The following LMX1B variants were observed in gnomAD, a reference collection of about 807,000 sequenced individuals.
LMX1B encodes the protein LIM homeobox transcription factor 1 beta.
LMX1B carries 12 observed loss-of-function variants against 51.4 expected under a neutral mutation model. The ratio of observed to expected loss-of-function variants is 0.23; its 90% confidence interval spans 0.15 to 0.38. The LOEUF is 0.38. Among genes scored for constraint, LMX1B ranks in the 10% least tolerant of loss-of-function variants. The pLI, the probability that LMX1B is intolerant of heterozygous loss-of-function variation, is 1.00. For missense variants in LMX1B, 445 were observed against 571.1 expected, an observed-to-expected ratio of 0.78 and a Z score of 2.25; for synonymous variants, 237 against 235.4, an observed-to-expected ratio of 1.01 and a Z score of -0.06.
chr9:126,695,385 C>A lies in LMX1B; in HGVS notation c.887-454C>A, dbSNP rs919657196. 3.3e-5 allele frequency among the ~76,000 whole-genome samples: 5 copies of A among 152,342 alleles called. No homozygotes were observed. The East Asian group carries it at 7.7e-4, about 24-fold the overall frequency. ...CACTTACCCGGCGGTCTGTCTCCTC[C>A]ATGCCTTTGCCGCCCCTCAGCCTGG... is the stretch of plus-strand genomic sequence containing the variant. On this transcript the variant is annotated intron_variant, in intron 6 of 7. Transcript: ENST00000373474. This position sits in a 1 kb window ranked among gnomAD's most constrained non-coding sequence, Gnocchi z 5.2.
At chr9:126,690,600 C>T (rs912900527) in intron 2 of LMX1B, among the ~76,000 whole-genome samples, 4 of 152,320 alleles carry the variant, frequency 2.6e-5, no homozygotes, top group East Asian at 3.9e-4. Context: ...CTGCCACGCC[C>T]GGGACAGGTG....
rs527313096 is a variant in LMX1B at position 126,693,337 on chromosome 9, G to A, written c.741+14G>A. 1.1e-5 allele frequency: 18 copies of A among 1,580,718 alleles called. No homozygotes were observed. The highest frequency in any genetic ancestry group is 2.2e-4 in the Middle Eastern group (1 of 4,546). ...CCTTGCCGAAAGGTGAGGGGCGGCCGGGGGGCGGGGCTCAGGCTGATGCCC... is the reference window on the plus strand; with the variant it reads ...CCTTGCCGAAAGGTGAGGGGCGGCCAGGGGGCGGGGCTCAGGCTGATGCCC... On this transcript the variant is annotated intron_variant, in intron 4 of 7. Coordinates refer to ENST00000373474, the MANE Select transcript of LMX1B (RefSeq NM_001174147.2).
Position 126,677,085 on chromosome 9 carries a change from G to A in LMX1B, c.327-13751G>A, listed in dbSNP as rs1489447959. Among the ~76,000 whole-genome samples the A allele has an allele frequency of 6.6e-6, 1 of 152,166 alleles. No individual in the cohort carries two copies. Among genetic ancestry groups the A allele is most frequent in the Non-Finnish European group, 1.5e-5 (1 of 68,020 alleles). ...CGATCAGTTACCCACTAAATGGGCG[G>A]GCTGCGTGCCCTGCCTGTCCCGAAG... On this transcript the variant is annotated intron_variant, in intron 2 of 7. Transcript: ENST00000373474. This position sits in a 1 kb window ranked among gnomAD's most constrained non-coding sequence, Gnocchi z 5.0.
At position 126,696,529 on chromosome 9, in the gene LMX1B, C is replaced by G; in HGVS notation, c.*78C>G. 6.5e-7 allele frequency: 1 copy of G among 1,530,756 alleles called. No individual in the cohort carries two copies. The highest frequency in any genetic ancestry group is 9.0e-7 in the Non-Finnish European group (1 of 1,107,188). The allele number at this position is 1,530,756 out of a possible 1,614,324, so 94.8% of individuals were successfully genotyped here. ...CCTCTGCGGCCAGCCTGGCCACCCC[C>G]GCCCTGCTCTCCGCACAGACTACAG... On this transcript the variant is annotated 3_prime_UTR_variant, in exon 8 of 8. Transcript: ENST00000373474.
At chr9:126,661,615 G>T (rs577937579) in intron 2 of LMX1B, among the ~76,000 whole-genome samples, 10 of 152,292 alleles carry the variant, frequency 6.6e-5, no homozygotes, top group African/African-American at 2.4e-4. Flanking sequence ...CCCCAGCTCA[G>T]CTGGGCCACC....
chr9:126,669,674 A>C (rs992904973), intron 2 of LMX1B, among the ~76,000 whole-genome samples: 1 of 152,036 alleles, frequency 6.6e-6, no homozygotes, highest in Non-Finnish European at 1.5e-5. Context: ...ACGTCTGTAT[A>C]TGGCAGTATG....
rs1340064928 is a variant in LMX1B, at chr9:126,615,880, G to C, written c.326+311G>C. On this transcript the variant is annotated intron_variant, in intron 2 of 7. Transcript: ENST00000373474. This position sits in a 1 kb window ranked among gnomAD's most constrained non-coding sequence, Gnocchi z 6.0. ...ATAGGGTCTGGCGCTACGGAGGCCT[G>C]AATTGGGAACCCAAAATTGATTTCC... 6.6e-6 allele frequency among the ~76,000 whole-genome samples: 1 copy of C among 152,200 alleles called. No individual in the cohort carries two copies. Among genetic ancestry groups the C allele is most frequent in the Non-Finnish European group, 1.5e-5 (1 of 68,032 alleles).
chr9:126,679,712 C>T (rs1836637750), intron 2 of LMX1B, among the ~76,000 whole-genome samples: 1 of 152,188 alleles, frequency 6.6e-6, no homozygotes, highest in Non-Finnish European at 1.5e-5. Flanking sequence ...CTGTCTCCAA[C>T]CTGACCCACT....
chr9:126,639,777 G>A (rs1051997229), intron 2 of LMX1B, among the ~76,000 whole-genome samples: 23 of 152,230 alleles, frequency 1.5e-4, no homozygotes, highest in Admixed American at 1.5e-3. Flanking sequence ...AATATTTAAT[G>A]AGGCCCATGC....
At chr9:126,621,567 T>C (rs768244327) in intron 2 of LMX1B, among the ~76,000 whole-genome samples, 67 of 152,146 alleles carry the variant, frequency 4.4e-4, no homozygotes, top group Non-Finnish European at 8.5e-4. Flanking sequence ...TCTCCATTCA[T>C]GTCATAAATG....
chr9:126,614,697 A>C, intron 1 of LMX1B, 109 bp downstream of exon 1: 2 of 1,221,538 alleles, frequency 1.6e-6, no homozygotes, highest in Non-Finnish European at 2.2e-6. Flanking sequence ...GGTTTGCAGG[A>C]CATGGGGAGG....
intron 2 of LMX1B, among the ~76,000 whole-genome samples, chr9:126,688,723 C>T (rs976206508): frequency 2.0e-5 from 3 of 152,198 alleles, no homozygotes. Flanking sequence ...AGCCAAAATC[C>T]AGCCCACATT....
At chr9:126,682,910 A>G (rs1476716238) in intron 2 of LMX1B, among the ~76,000 whole-genome samples, 100 of 149,814 alleles carry the variant, frequency 6.7e-4, no homozygotes, top group Non-Finnish European at 1.2e-3. Flanking sequence ...AAAAAAAAAA[A>G]AAAAAGAAAG....
chr9:126,633,527 G>A (rs1835665992), intron 2 of LMX1B, among the ~76,000 whole-genome samples: 1 of 152,174 alleles, frequency 6.6e-6, no homozygotes, highest in Non-Finnish European at 1.5e-5. Flanking sequence ...GGCCAATCCT[G>A]GGGACTGGCT....
intron 2 of LMX1B, among the ~76,000 whole-genome samples, chr9:126,644,470 G>A (rs376543033): frequency 4.6e-5 from 7 of 152,206 alleles, no homozygotes; most frequent in Admixed American, 1.3e-4. Context: ...TCTCTAGGAC[G>A]GGGGTAGGGA....
At chr9:126,654,271 A>C (rs1320379420) in intron 2 of LMX1B, among the ~76,000 whole-genome samples, 1 of 152,210 alleles carries the variant, frequency 6.6e-6, no homozygotes, top group African/African-American at 2.4e-5. Context: ...CACTCTGCTC[A>C]GGGTTGCTGC....
chr9:126,634,651 C>A (rs998490390), intron 2 of LMX1B, among the ~76,000 whole-genome samples: 1 of 152,164 alleles, frequency 6.6e-6, no homozygotes, highest in African/African-American at 2.4e-5. Context: ...AGTCCTTTGA[C>A]CTCTCTGAGC....
At chr9:126,693,008 G>A (rs1241791961) in intron 3 of LMX1B, 134 bp from the exon 4 acceptor site, 1 of 902,194 alleles carries the variant, frequency 1.1e-6, no homozygotes, top group Non-Finnish European at 1.7e-6. Context: ...TCTTATCCTG[G>A]GCCACTGGGG....
In LMX1B at chr9:126,700,357, C is replaced by T. The variant is rs1349774512; in HGVS notation, c.*3906C>T. ...GCCTGGCAGGGACAAGCCTCTTCTC[C>T]TTTGGGAAGCCCTGCAGCCTCCTAG... On this transcript the variant is annotated 3_prime_UTR_variant, in exon 8 of 8. Coordinates refer to ENST00000373474, the MANE Select transcript of LMX1B (RefSeq NM_001174147.2). The T allele has an allele frequency of 6.6e-6, 1 of 152,236 alleles. No homozygotes were observed. The highest frequency in any genetic ancestry group is 2.4e-5 in the African/African-American group (1 of 41,444). The allele number at this position is 152,236 out of a possible 1,614,324, so 9.4% of individuals were successfully genotyped here. A position where few individuals can be genotyped will look rare whatever the true frequency, so the allele number is the denominator to read the frequency against.
Sources: gnomAD v4.1 joint callset for allele counts (sites outside exome capture counted in the v4.1 genomes callset) on GRCh38, gnomAD v4.1.1 for gene constraint, Gnocchi (gnomAD v3.1) non-coding constraint, MANE v1.5 for transcripts, NCBI Gene and HGNC (gene_info 2026-07-23, HGNC 2026-07-21) for gene names.